Variants in COG5 observed in about 807,000 individuals in gnomAD.
COG5 encodes conserved oligomeric Golgi complex subunit 5.
A neutral mutation model predicts 110.4 loss-of-function variants in COG5; 86 were observed. The observed-to-expected ratio is 0.78, with a 90% CI of 0.65 to 0.93. COG5 has a LOEUF of 0.93. COG5 is among the 40% of genes least tolerant of loss of function. COG5 has a pLI of 0.00. For synonymous variants in COG5, 360 were observed against 334.6 expected, an observed-to-expected ratio of 1.08 and a Z score of -0.83; for missense variants, 1,077 against 987.0, an observed-to-expected ratio of 1.09 and a Z score of -1.22.
At chr7:107,226,515 C>A (rs1800350448) in intron 19 of COG5, among the ~76,000 whole-genome samples, 1 of 152,186 alleles carries the variant, frequency 6.6e-6, no homozygotes, top group South Asian at 2.1e-4. Flanking sequence ...TTACTCCTCT[C>A]TAGGAAGGAA....
At chr7:107,359,906 AG>A (rs1422996576) in intron 10 of COG5, among the ~76,000 whole-genome samples, 1 of 148,990 alleles carries the variant, frequency 6.7e-6, no homozygotes, top group Non-Finnish European at 1.5e-5. Context: ...ACATACATCA[AG>A]GTGACCTGCC....
At chr7:107,424,857 T>C (rs950715251) in intron 6 of COG5, among the ~76,000 whole-genome samples, 30 of 152,278 alleles carry the variant, frequency 2.0e-4, no homozygotes, top group African/African-American at 7.2e-4. Context: ...TAATTATGGA[T>C]GCTAGAGGGT....
chr7:107,299,871 G>GGAATATATATATATATATATATGGAATT, intron 11 of COG5, among the ~76,000 whole-genome samples: 1 of 93,488 alleles, frequency 1.1e-5, no homozygotes, highest in African/African-American at 3.4e-5. Context: ...GGAATTATCT[G>GGAATATATATATATATATATATGGAATT]GAATATATAT....
intron 6 of COG5, among the ~76,000 whole-genome samples, chr7:107,427,980 T>A (rs1793763885): frequency 6.6e-6 from 1 of 151,958 alleles, no homozygotes; most frequent in African/African-American, 2.4e-5. Context: ...GGGCTCAGAA[T>A]GGGAAGTGCG....
chr7:107,258,751 C>T (rs528053559), intron 14 of COG5: 28 of 172,838 alleles, frequency 1.6e-4, no homozygotes, highest in Admixed American at 1.2e-3. Flanking sequence ...GAATACCTTC[C>T]GGCAACTGCC....
chr7:107,491,208 T>A (rs1247699569), intron 6 of COG5, among the ~76,000 whole-genome samples: 1 of 152,126 alleles, frequency 6.6e-6, no homozygotes, highest in Non-Finnish European at 1.5e-5. Flanking sequence ...CTACCTTCTG[T>A]CCTGCAATTA....
chr7:107,347,985 G>C (rs1389154871), intron 10 of COG5, among the ~76,000 whole-genome samples: 1 of 151,686 alleles, frequency 6.6e-6, no homozygotes, highest in East Asian at 1.9e-4. Context: ...AAATAGCTAG[G>C]GGTGGTGGCA....
chr7:107,360,742 T>C (rs1207885691), intron 10 of COG5, among the ~76,000 whole-genome samples: 1 of 152,224 alleles, frequency 6.6e-6, no homozygotes, highest in East Asian at 1.9e-4. Flanking sequence ...CAGCAGCCAG[T>C]GTGCCTGGCT....
intron 14 of COG5, among the ~76,000 whole-genome samples, chr7:107,258,989 C>A (rs1395982223): frequency 6.6e-6 from 1 of 151,464 alleles, no homozygotes; most frequent in Non-Finnish European, 1.5e-5. Context: ...AAAAAAAAGC[C>A]CAAAATTATA....
intron 8 of COG5, among the ~76,000 whole-genome samples, chr7:107,368,918 C>T (rs1359419814): frequency 6.6e-6 from 1 of 152,196 alleles, no homozygotes; most frequent in Non-Finnish European, 1.5e-5. Flanking sequence ...CTCTCCTTTG[C>T]TGGTCTCATT....
At chr7:107,504,095 T>C (rs1798811851) in intron 6 of COG5, among the ~76,000 whole-genome samples, 1 of 152,128 alleles carries the variant, frequency 6.6e-6, no homozygotes. Flanking sequence ...GGGAAGGCTT[T>C]CAACTTTTCC....
At chr7:107,203,672 T>C (rs1798530889) in intron 21 of COG5, 42 bp from the exon 22 acceptor site, 1 of 1,272,974 alleles carries the variant, frequency 7.9e-7, no homozygotes, top group Non-Finnish European at 1.1e-6. Context: ...ATTAGATAAA[T>C]CACATAAAAC....
At chr7:107,388,153 G>C (rs1224701537) in intron 7 of COG5, among the ~76,000 whole-genome samples, 2 of 152,110 alleles carry the variant, frequency 1.3e-5, no homozygotes, top group Non-Finnish European at 2.9e-5. Context: ...ACAATGCCCA[G>C]ATTGCCAGCT....
intron 12 of COG5, among the ~76,000 whole-genome samples, chr7:107,286,760 T>C (rs1805668066): frequency 6.6e-6 from 1 of 152,166 alleles, no homozygotes; most frequent in Admixed American, 6.6e-5. Context: ...GACTTTCTTA[T>C]TATTTCAATG....
intron 10 of COG5, among the ~76,000 whole-genome samples, chr7:107,344,110 T>C (rs1188490589): frequency 2.6e-5 from 4 of 152,190 alleles, no homozygotes; most frequent in Non-Finnish European, 5.9e-5. Flanking sequence ...CTTTGAAGCT[T>C]TGAAGCCAGG....
At chr7:107,308,047 C>G (rs1168110607) in intron 11 of COG5, among the ~76,000 whole-genome samples, 2 of 152,066 alleles carry the variant, frequency 1.3e-5, no homozygotes, top group African/African-American at 4.8e-5. Flanking sequence ...ATAAATAGTT[C>G]ACCTATTATA....
rs535100333 is a variant in COG5, at chr7:107,410,092, A to G, written c.669+2410T>C. ...GAAGTAAAATAGGGATAAATGTTGCATGGTCCACAGATGGCATTTTGCTGT... is the reference window on the plus strand; with the variant it reads ...GAAGTAAAATAGGGATAAATGTTGCGTGGTCCACAGATGGCATTTTGCTGT... On this transcript the variant is annotated intron_variant, in intron 7 of 21. Coordinates refer to ENST00000297135, the MANE Select transcript of COG5 (RefSeq NM_006348.5). Among the ~76,000 whole-genome samples, 12 of 152,338 alleles carry G rather than the reference A, an allele frequency of 7.9e-5. No individual in the cohort carries two copies. The South Asian group carries it at 2.5e-3, about 32-fold the overall frequency.
At chr7:107,240,078 G>A (rs950454349) in intron 17 of COG5, among the ~76,000 whole-genome samples, 1 of 152,102 alleles carries the variant, frequency 6.6e-6, no homozygotes. Flanking sequence ...TACATGGACT[G>A]CAACAATTTT....
intron 6 of COG5, among the ~76,000 whole-genome samples, chr7:107,477,093 T>C (rs938266671): frequency 6.6e-6 from 1 of 151,814 alleles, no homozygotes; most frequent in East Asian, 1.9e-4. Flanking sequence ...AAGATATTTT[T>C]TGAAACCCCA....
Sources: gnomAD v4.1 joint callset for allele counts (sites outside exome capture counted in the v4.1 genomes callset) on GRCh38, gnomAD v4.1.1 for gene constraint, MANE v1.5 for transcripts, NCBI Gene and HGNC (gene_info 2026-07-23, HGNC 2026-07-21) for gene names.